Variants in RYR3 observed in about 807,000 individuals in gnomAD.
The protein encoded by RYR3 is brain ryanodine receptor-calcium release channel.
In RYR3, 207 loss-of-function variants were observed where a neutral mutation model predicts 584.3. The observed-to-expected ratio is 0.35, with a 90% CI of 0.32 to 0.40. The LOEUF is 0.40. Ranked by LOEUF, RYR3 falls within the 10% of genes least tolerant of loss-of-function variation. The pLI is 1.00. For synonymous variants in RYR3, 2,416 were observed against 2,248.5 expected, an observed-to-expected ratio of 1.07 and a Z score of -2.11; for missense variants, 5,616 against 6,089.2, an observed-to-expected ratio of 0.92 and a Z score of 2.59.
intron 1 of RYR3, among the ~76,000 whole-genome samples, chr15:33,340,597 C>G (rs906000757): frequency 3.3e-5 from 5 of 152,152 alleles, no homozygotes; most frequent in Admixed American, 1.3e-4. Context: ...TGTGGATGGT[C>G]CCCTTCTCAC....
In RYR3 at chr15:33,722,734, C is replaced by T. The variant is rs1336776331; in HGVS notation, c.6639C>T (p.Asn2213=). The part of the protein sequence containing the change: ...VFVNSESVEE[N]ASVVVKLLIR... ...CCTCAGGTGAGAGTGTGGAAGAAAACGCCAGCGTTGTGGTCAAGCTGCTCA... is the reference window on the plus strand; with the variant it reads ...CCTCAGGTGAGAGTGTGGAAGAAAATGCCAGCGTTGTGGTCAAGCTGCTCA... Residue 2213 remains asparagine (N), a synonymous_variant, in exon 44 of 104, where the codon AAC becomes AAT. Coordinates refer to ENST00000634891, the MANE Select transcript of RYR3 (RefSeq NM_001036.6). The T allele has an allele frequency of 5.6e-6, 9 of 1,612,434 alleles. No homozygotes were observed. The highest frequency in any genetic ancestry group is 3.4e-5 in the Admixed American group (2 of 59,512).
chr15:33,350,521 C>T (rs1973103805), intron 1 of RYR3, among the ~76,000 whole-genome samples: 2 of 151,308 alleles, frequency 1.3e-5, no homozygotes, highest in Admixed American at 1.3e-4. Context: ...TAAAGCTCTC[C>T]TCAGCAAATG....
At chr15:33,431,999 A>C (rs915710730) in intron 1 of RYR3, among the ~76,000 whole-genome samples, 1 of 152,126 alleles carries the variant, frequency 6.6e-6, no homozygotes, top group South Asian at 2.1e-4. Context: ...GATAGGAATT[A>C]TTTCTACTAG....
At chr15:33,323,845 A>G (rs1969338528) in intron 1 of RYR3, among the ~76,000 whole-genome samples, 1 of 152,152 alleles carries the variant, frequency 6.6e-6, no homozygotes, top group African/African-American at 2.4e-5. Flanking sequence ...CCACTTGTTC[A>G]TATCCTGGTG....
intron 37 of RYR3, 36 bp from the exon 38 acceptor site, chr15:33,670,383 T>C: frequency 6.2e-7 from 1 of 1,609,164 alleles, no homozygotes; most frequent in Non-Finnish European, 8.5e-7. Flanking sequence ...TTTCATGCAC[T>C]GCTTTGGATT....
At position 33,440,402 on chromosome 15, in the gene RYR3, C is replaced by A. The variant is rs886531229; in HGVS notation, c.52-33017C>A. On this transcript the variant is annotated intron_variant, in intron 1 of 103. Transcript: ENST00000634891. Reference sequence around the variant, plus strand: ...GAGGCAATCATCATAGCCTCTGTCCCATGCGTGTTTTAGGATAGACTAGTT... The same window carrying A: ...GAGGCAATCATCATAGCCTCTGTCCAATGCGTGTTTTAGGATAGACTAGTT... Among the ~76,000 whole-genome samples, 5 of 152,182 alleles carry A rather than the reference C, an allele frequency of 3.3e-5. No individual in the cohort carries two copies. The South Asian group carries it at 1.0e-3, about 31-fold the overall frequency.
intron 1 of RYR3, among the ~76,000 whole-genome samples, chr15:33,334,335 C>G (rs1017025941): frequency 5.9e-5 from 9 of 152,144 alleles, no homozygotes; most frequent in African/African-American, 2.2e-4. Flanking sequence ...AGAACAGACA[C>G]ATAGACCGAT....
In RYR3 at chr15:33,492,856, C is replaced by T. The variant is rs530130890; in HGVS notation, c.172-10775C>T. Among the ~76,000 whole-genome samples the T allele has an allele frequency of 7.2e-5, 11 of 152,196 alleles. No homozygotes were observed. The South Asian group carries it at 8.3e-4, about 12-fold the overall frequency. The stretch of plus-strand genomic sequence containing the variant: ...CTTAACAATGCTTTTCTCAGTGTTC[C>T]GCTTCCTGTCATGCAATGAAAAGGC... On this transcript the variant is annotated intron_variant, in intron 2 of 103. Coordinates refer to ENST00000634891, the MANE Select transcript of RYR3 (RefSeq NM_001036.6).
At chr15:33,392,405 A>G (rs973972247) in intron 1 of RYR3, among the ~76,000 whole-genome samples, 2 of 151,450 alleles carry the variant, frequency 1.3e-5, no homozygotes, top group Non-Finnish European at 1.5e-5. Flanking sequence ...ACCGTAGGGA[A>G]GTGGGGAAGT....
chr15:33,411,405 GA>G (rs1392541119), intron 1 of RYR3, among the ~76,000 whole-genome samples: 11 of 152,132 alleles, frequency 7.2e-5, no homozygotes, highest in African/African-American at 2.7e-4. Context: ...TGCAAATATT[GA>G]AGCAAACAAA....
Position 33,328,731 on chromosome 15 carries a change from T to G in RYR3, c.51+17635T>G, listed in dbSNP as rs140117528. ...GGTCATTTGAATGCCTGAATCATTTTGTAACCTTTTAATAAGCCCAGACCT... is the reference window on the plus strand; with the variant it reads ...GGTCATTTGAATGCCTGAATCATTTGGTAACCTTTTAATAAGCCCAGACCT... On this transcript the variant is annotated intron_variant, in intron 1 of 103. Transcript: ENST00000634891. 6.1e-3 allele frequency among the ~76,000 whole-genome samples: 933 copies of G among 152,322 alleles called. 6 individuals are homozygous for G. The highest frequency in any genetic ancestry group is 8.4e-3 in the Non-Finnish European group (571 of 68,024).
At chr15:33,604,168 G>A (rs762474665) in intron 18 of RYR3, among the ~76,000 whole-genome samples, 4 of 152,188 alleles carry the variant, frequency 2.6e-5, no homozygotes, top group Non-Finnish European at 4.4e-5. Flanking sequence ...AATCCCTTAC[G>A]TAAGCATTGT....
At position 33,382,350 on chromosome 15, in the gene RYR3, G is replaced by A. The variant is rs1341058066; in HGVS notation, c.51+71254G>A. Among the ~76,000 whole-genome samples the A allele has an allele frequency of 2.8e-5, 3 of 106,840 alleles. No individual in the cohort carries two copies. In the East Asian group the frequency reaches 8.3e-4, roughly 29 times the overall value. 70.1% of individuals were successfully genotyped at this position (106,840 alleles called of 152,430 possible). On this transcript the variant is annotated intron_variant, in intron 1 of 103. Transcript: ENST00000634891. Reference sequence around the variant, plus strand: ...TTTTTTTTTTTTTTTTTGAGACGGAGTCTCGCTTTGTCGCCCAGGCTGGAG... The same window carrying A: ...TTTTTTTTTTTTTTTTTGAGACGGAATCTCGCTTTGTCGCCCAGGCTGGAG...
At chr15:33,766,667 A>G (rs1184188775) in intron 60 of RYR3, among the ~76,000 whole-genome samples, 1 of 152,218 alleles carries the variant, frequency 6.6e-6, no homozygotes, top group Admixed American at 6.5e-5. Flanking sequence ...ATAGCTTTCA[A>G]ATCCATCAGT....
intron 38 of RYR3, among the ~76,000 whole-genome samples, chr15:33,687,442 T>C (rs2065092007): frequency 6.6e-6 from 1 of 152,218 alleles, no homozygotes; most frequent in South Asian, 2.1e-4. Context: ...GAACATTCCA[T>C]GCTCATGGAT....
chr15:33,660,893 A>C (rs530582614), intron 34 of RYR3, among the ~76,000 whole-genome samples: 1 of 152,080 alleles, frequency 6.6e-6, no homozygotes, highest in African/African-American at 2.4e-5. Flanking sequence ...TGCTCTTTTC[A>C]TCTACACAGT....
chr15:33,729,053 A>G (rs1468296870), intron 47 of RYR3, 27 bp downstream of exon 47: 4 of 1,595,754 alleles, frequency 2.5e-6, no homozygotes, highest in Non-Finnish European at 3.4e-6. Flanking sequence ...ACAAAAAATT[A>G]TTGTTCCCAT....
At position 33,838,610 on chromosome 15, in the gene RYR3, C is replaced by G. The variant is rs1299759839; in HGVS notation, c.12630C>G (p.Leu4210=). The change falls in exon 89 of 104, where the codon CTC becomes CTG. Residue 4210 remains leucine (L), a synonymous_variant. Coordinates refer to ENST00000634891, the MANE Select transcript of RYR3 (RefSeq NM_001036.6). The stretch of plus-strand genomic sequence containing the variant: ...TCCTGGGAGGAATCTTTCAGATCCT[C>G]TGGAGCACAGTGTTTGGAGGGGGCC... ...FTILGGIFQI[L]WSTVFGGGLV... 4 of 1,613,812 alleles carry G rather than the reference C, an allele frequency of 2.5e-6. No individual in the cohort carries two copies. The highest frequency in any genetic ancestry group is 2.7e-5 in the African/African-American group (2 of 74,908).
Position 33,813,462 on chromosome 15 carries a change from C to G in RYR3, c.10390-5C>G. ...TGTGCACCAACCGATGTGATCTCTT[C>G]TCAGGTGGAACAGCCTTTGAGGTCC... On this transcript the variant is annotated splice_region_variant and splice_polypyrimidine_tract_variant and intron_variant, in intron 73 of 103. Coordinates refer to ENST00000634891, the MANE Select transcript of RYR3 (RefSeq NM_001036.6). 2 of 1,612,372 alleles carry G rather than the reference C, an allele frequency of 1.2e-6. No homozygotes were observed. The highest frequency in any genetic ancestry group is 1.7e-6 in the Non-Finnish European group (2 of 1,178,826).
Sources: allele counts gnomAD v4.1 joint callset (sites outside exome capture counted in the v4.1 genomes callset), GRCh38; gene constraint gnomAD v4.1.1; transcripts MANE v1.5; gene names NCBI Gene and HGNC (gene_info 2026-07-23, HGNC 2026-07-21).